COL25A1: variants seen among roughly 807,000 people sequenced by gnomAD.
The protein encoded by COL25A1 is collagen alpha-1(XXV) chain.
In COL25A1, 103 loss-of-function variants were observed where a neutral mutation model predicts 128.4. The ratio of observed to expected loss-of-function variants is 0.80; its 90% confidence interval spans 0.68 to 0.94. COL25A1 has a LOEUF of 0.94. Ranked by LOEUF, COL25A1 falls within the 40% of genes least tolerant of loss-of-function variation. COL25A1 has a pLI of 0.00. For synonymous variants in COL25A1, 279 were observed against 277.2 expected (o/e 1.01, Z -0.06); for missense variants, 745 against 840.0 (o/e 0.89, Z 1.40).
chr4:109,224,856 C>T (rs1248966861), intron 3 of COL25A1, among the ~76,000 whole-genome samples: 1 of 152,202 alleles, frequency 6.6e-6, no homozygotes, highest in Non-Finnish European at 1.5e-5. Context: ...AGGAGAATCG[C>T]TTGAACCCGG....
chr4:108,843,286 C>T (rs1359935162), intron 30 of COL25A1, among the ~76,000 whole-genome samples: 1 of 151,986 alleles, frequency 6.6e-6, no homozygotes, highest in Admixed American at 6.6e-5. Context: ...TAATCACTGG[C>T]TATGCTCTTG....
chr4:109,014,258 G>T (rs896566707), intron 5 of COL25A1, among the ~76,000 whole-genome samples: 2 of 151,840 alleles, frequency 1.3e-5, no homozygotes, highest in African/African-American at 4.8e-5. Context: ...AGTGAGCTGA[G>T]ACTGTGCCAC....
chr4:108,859,537 G>A, intron 24 of COL25A1, 119 bp downstream of exon 24: 1 of 662,006 alleles, frequency 1.5e-6, no homozygotes, highest in Non-Finnish European at 2.6e-6. Flanking sequence ...GAGAAGGGGT[G>A]CCTTGAGCAG....
chr4:108,897,466 G>A (rs181792138), intron 15 of COL25A1, among the ~76,000 whole-genome samples: 2 of 152,228 alleles, frequency 1.3e-5, no homozygotes, highest in Admixed American at 1.3e-4. Context: ...TATGTTATGT[G>A]GAAATGTTAT....
rs192850421 is a variant in COL25A1 at position 109,187,600 on chromosome 4, G to A, written c.367+112983C>T. Among the ~76,000 whole-genome samples the A allele has an allele frequency of 5.3e-5, 8 of 152,248 alleles. No individual in the cohort carries two copies. In the East Asian group the frequency reaches 5.8e-4, roughly 11 times the overall value. On this transcript the variant is annotated intron_variant, in intron 3 of 37. Coordinates refer to ENST00000399132, the MANE Select transcript of COL25A1 (RefSeq NM_198721.4). The stretch of plus-strand genomic sequence containing the variant: ...CTTGGTATTATTAATTCATACTTAC[G>A]TAGCATATTGTAGCTTCAAAATGAA...
intron 3 of COL25A1, among the ~76,000 whole-genome samples, chr4:109,189,547 C>CAA (rs33989375): frequency 0.053 from 2,701 of 51,396 alleles, 178 homozygotes; most frequent in African/African-American, 0.13. Flanking sequence ...GACTCCATCT[C>CAA]AAAAAAAAAA....
At position 108,974,538 on chromosome 4, in the gene COL25A1, C is replaced by CATA. The variant is rs773414980; in HGVS notation, c.459_460insTAT (p.Gly153_Asp154insTyr). On this transcript the variant is annotated inframe_insertion, in exon 7 of 38. Transcript: ENST00000399132. ...TCTGGTATGCATTTTCTTACCTTATCGCCTTTTGGACCAGGAGGGCCCTGA... is the reference window on the plus strand; with the variant it reads ...TCTGGTATGCATTTTCTTACCTTATCATAGCCTTTTGGACCAGGAGGGCCCTGA... The CATA allele has an allele frequency of 6.2e-7, 1 of 1,608,014 alleles. No homozygotes were observed. The highest frequency in any genetic ancestry group is 8.5e-7 in the Non-Finnish European group (1 of 1,177,902).
intron 6 of COL25A1, among the ~76,000 whole-genome samples, chr4:108,984,810 G>C (rs1450104884): frequency 6.6e-6 from 1 of 152,258 alleles, no homozygotes; most frequent in Non-Finnish European, 1.5e-5. Context: ...ATAGTGCAGC[G>C]GCGGGCTGAA....
intron 3 of COL25A1, among the ~76,000 whole-genome samples, chr4:109,285,353 T>C (rs905307252): frequency 1.3e-5 from 2 of 152,190 alleles, no homozygotes; most frequent in African/African-American, 4.8e-5. Context: ...TTGTCCAAAA[T>C]TGAAAGCTCT....
At chr4:109,243,787 C>T (rs1780063350) in intron 3 of COL25A1, among the ~76,000 whole-genome samples, 1 of 152,004 alleles carries the variant, frequency 6.6e-6, no homozygotes, top group African/African-American at 2.4e-5. Context: ...TTAAATCTGA[C>T]ATAGATTACC....
Position 109,139,553 on chromosome 4 carries a change from T to A in COL25A1, c.368-89374A>T, listed in dbSNP as rs372604982. Among the ~76,000 whole-genome samples, 54 of 152,348 alleles carry A rather than the reference T, an allele frequency of 3.5e-4. No individual in the cohort carries two copies. The East Asian group carries it at 6.2e-3, about 17-fold the overall frequency. On this transcript the variant is annotated intron_variant, in intron 3 of 37. Transcript: ENST00000399132. The stretch of plus-strand genomic sequence containing the variant: ...TTTTCTGCATATGGCTAGCCAGTTT[T>A]CTCAACACCATTTATTAAATATGGA...
At chr4:109,228,284 A>G in intron 3 of COL25A1, among the ~76,000 whole-genome samples, 1 of 152,112 alleles carries the variant, frequency 6.6e-6, no homozygotes. Flanking sequence ...GTCAAGTTAA[A>G]ATCCAGTCAA....
chr4:109,136,634 A>T (rs1441510309), intron 3 of COL25A1, among the ~76,000 whole-genome samples: 3 of 152,204 alleles, frequency 2.0e-5, no homozygotes, highest in Non-Finnish European at 2.9e-5. Flanking sequence ...ATTTGCCTGG[A>T]GTCTGGTGTG....
At chr4:109,182,739 C>A (rs2526452) in intron 3 of COL25A1, among the ~76,000 whole-genome samples, 21 of 151,822 alleles carry the variant, frequency 1.4e-4, no homozygotes, top group Non-Finnish European at 2.5e-4. Flanking sequence ...TCACTTTATG[C>A]GTAAGTGACT....
chr4:109,293,828 CATT>C (rs1724708781), intron 3 of COL25A1, among the ~76,000 whole-genome samples: 1 of 152,048 alleles, frequency 6.6e-6, no homozygotes. Flanking sequence ...CTCCAGATGA[CATT>C]ATGTCAAAAG....
At chr4:109,071,859 A>G (rs1173110113) in intron 3 of COL25A1, among the ~76,000 whole-genome samples, 2 of 152,302 alleles carry the variant, frequency 1.3e-5, no homozygotes, top group East Asian at 3.9e-4. Context: ...GGGACTGTAA[A>G]CTAGTTCAAC....
Position 109,019,392 on chromosome 4 carries a change from A to G in COL25A1, c.421-9017T>C, listed in dbSNP as rs368966616. ...CACACACACATATATATATATATAT[A>G]TATATATTTATATGTGTATCCTATT... is the stretch of plus-strand genomic sequence containing the variant. On this transcript the variant is annotated intron_variant, in intron 5 of 37. Transcript: ENST00000399132. Among the ~76,000 whole-genome samples, 11 of 106,538 alleles carry G rather than the reference A, an allele frequency of 1.0e-4. 1 individual carries two copies. The East Asian group carries it at 3.3e-3, about 32-fold the overall frequency. The allele number at this position is 106,538 out of a possible 152,430, so 69.9% of individuals were successfully genotyped here.
intron 3 of COL25A1, among the ~76,000 whole-genome samples, chr4:109,083,534 C>T (rs1764065355): frequency 7.5e-6 from 1 of 133,484 alleles, no homozygotes; most frequent in African/African-American, 2.8e-5. Flanking sequence ...GCGATCTCGA[C>T]TCACTGCAAG....
intron 5 of COL25A1, among the ~76,000 whole-genome samples, chr4:109,038,762 C>T (rs540444535): frequency 1.7e-4 from 26 of 152,290 alleles, no homozygotes; most frequent in African/African-American, 6.3e-4. Flanking sequence ...CTTTGCTTCC[C>T]ATAAGAGGCT....
Sources: allele counts gnomAD v4.1 joint callset (sites outside exome capture counted in the v4.1 genomes callset), GRCh38; gene constraint gnomAD v4.1.1; transcripts MANE v1.5; gene names NCBI Gene and HGNC (gene_info 2026-07-23, HGNC 2026-07-21).